LAMA4: variants seen among roughly 807,000 people sequenced by gnomAD.
LAMA4 encodes laminin subunit alpha 4, also known as laminin subunit alpha-4.
LAMA4 carries 127 observed loss-of-function variants against 207.1 expected under a neutral mutation model. That is an observed-to-expected ratio of 0.61 (90% CI 0.53 to 0.71). The LOEUF is 0.71. Ranked by LOEUF, LAMA4 falls within the 30% of genes least tolerant of loss-of-function variation. The pLI, the probability that LAMA4 is intolerant of heterozygous loss-of-function variation, is 0.00. For synonymous variants in LAMA4, 761 were observed against 816.0 expected (o/e 0.93, Z 1.15); for missense variants, 2,093 against 2,246.5 (o/e 0.93, Z 1.38).
At chr6:112,192,811 G>A (rs1783194983) in intron 5 of LAMA4, among the ~76,000 whole-genome samples, 1 of 152,262 alleles carries the variant, frequency 6.6e-6, no homozygotes, top group Non-Finnish European at 1.5e-5. Context: ...CCTGCTGTGA[G>A]TGGTGGGCCT....
intron 14 of LAMA4, 85 bp downstream of exon 14, chr6:112,158,647 C>A: frequency 7.7e-7 from 1 of 1,303,448 alleles, no homozygotes; most frequent in Non-Finnish European, 1.1e-6. Flanking sequence ...AAAATTGTAT[C>A]CCAGTAGTTC....
intron 13 of LAMA4, among the ~76,000 whole-genome samples, chr6:112,161,144 ACTC>A (rs1172175537): frequency 6.6e-6 from 1 of 151,868 alleles, no homozygotes; most frequent in Non-Finnish European, 1.5e-5. Flanking sequence ...GGAAAGCTCT[ACTC>A]CTCCTTTCAA....
In LAMA4 at chr6:112,134,592, G is replaced by A. The variant is rs1779224426; in HGVS notation, c.3432C>T (p.His1144=). The stretch of plus-strand genomic sequence containing the variant: ...CTACCAAGATCATTTTCTTATCATT[G>A]TGGTAAATGATTGAGATCTGGGAGA... ...AKYHEISIIY[H]NDKKMILVVD... Residue 1144 remains histidine (H), a synonymous_variant, in exon 26 of 39, where the codon CAC becomes CAT. Transcript: ENST00000230538. 1.2e-6 allele frequency: 2 copies of A among 1,607,980 alleles called. No homozygotes were observed. Among genetic ancestry groups the A allele is most frequent in the African/African-American group, 2.7e-5 (2 of 74,746 alleles).
Position 112,143,126 on chromosome 6 carries a change from T to G in LAMA4, c.2494-834A>C, listed in dbSNP as rs569524174. ...TTACAAGTGTATGGATTGTGTATAC[T>G]TATGTCATTTATCTGAATCTTTCCA... On this transcript the variant is annotated intron_variant, in intron 19 of 38. Coordinates refer to ENST00000230538, the MANE Select transcript of LAMA4 (RefSeq NM_001105206.3). 1.4e-3 allele frequency among the ~76,000 whole-genome samples: 219 copies of G among 152,276 alleles called. 2 individuals are homozygous for G. The highest frequency in any genetic ancestry group is 2.6e-3 in the Non-Finnish European group (179 of 68,020).
chr6:112,172,484 C>G, intron 12 of LAMA4, 127 bp downstream of exon 12: 1 of 860,072 alleles, frequency 1.2e-6, no homozygotes, highest in Non-Finnish European at 1.8e-6. Context: ...AAAAAACACA[C>G]CAATATTTTA....
At chr6:112,220,254 C>T (rs930161416) in intron 2 of LAMA4, among the ~76,000 whole-genome samples, 1 of 152,128 alleles carries the variant, frequency 6.6e-6, no homozygotes. Flanking sequence ...TATTAAGAGA[C>T]TCCTATTATC....
chr6:112,206,940 GA>G (rs1313165253), intron 4 of LAMA4, 80 bp downstream of exon 4: 1 of 1,534,244 alleles, frequency 6.5e-7, no homozygotes, highest in Non-Finnish European at 8.9e-7. Context: ...AGAACTCTGG[GA>G]TAAGGCAAAA....
At chr6:112,204,821 A>G (rs6916501) in intron 4 of LAMA4, among the ~76,000 whole-genome samples, 8,348 of 152,250 alleles carry the variant, frequency 0.055, 717 homozygotes, top group African/African-American at 0.19. Context: ...CATGTTATTA[A>G]TACTATCATA....
intron 38 of LAMA4, 76 bp downstream of exon 38, chr6:112,114,000 G>T: frequency 6.5e-7 from 1 of 1,544,550 alleles, no homozygotes; most frequent in Non-Finnish European, 9.0e-7. Context: ...AAAAACACAT[G>T]GCTCAATTCT....
At chr6:112,207,246 C>T in intron 3 of LAMA4, 101 bp from the exon 4 acceptor site, 8 of 1,261,138 alleles carry the variant, frequency 6.3e-6, no homozygotes, top group Non-Finnish European at 9.1e-6. Flanking sequence ...AAAGGGACAT[C>T]AGATCAGACA....
At chr6:112,241,226 T>C (rs1432448643) in intron 2 of LAMA4, among the ~76,000 whole-genome samples, 1 of 126,648 alleles carries the variant, frequency 7.9e-6, no homozygotes, top group African/African-American at 2.7e-5. Flanking sequence ...ATATATATGA[T>C]ATATATATGA....
intron 31 of LAMA4, among the ~76,000 whole-genome samples, chr6:112,125,320 T>G (rs1324539563): frequency 3.3e-5 from 5 of 152,184 alleles, no homozygotes; most frequent in Non-Finnish European, 7.3e-5. Flanking sequence ...CTCTCTAGGT[T>G]TTAAGTTTCC....
In LAMA4 at chr6:112,190,529, C is replaced by A. The variant is rs1162798918; in HGVS notation, c.718+1107G>T. Among the ~76,000 whole-genome samples, 3 of 152,150 alleles carry A rather than the reference C, an allele frequency of 2.0e-5. No homozygotes were observed. In the East Asian group the frequency reaches 5.8e-4, roughly 29 times the overall value. On this transcript the variant is annotated intron_variant, in intron 6 of 38. Coordinates refer to ENST00000230538, the MANE Select transcript of LAMA4 (RefSeq NM_001105206.3). ...CAATATTTCCTGCTCTCCCACTCTC[C>A]CCTCAAAGTCACATAAGAGTAAGAC...
At chr6:112,185,428 A>G in intron 8 of LAMA4, 81 bp from the exon 9 acceptor site, 1 of 844,832 alleles carries the variant, frequency 1.2e-6, no homozygotes, top group East Asian at 2.4e-5. Context: ...TCAGTGTAAG[A>G]GGACTCAGAG....
chr6:112,164,927 A>G (rs1554339457), intron 13 of LAMA4, among the ~76,000 whole-genome samples: 1 of 152,236 alleles, frequency 6.6e-6, no homozygotes, highest in East Asian at 1.9e-4. Context: ...AAAGTGGCTA[A>G]TGTGACTGAA....
chr6:112,140,624 G>C (rs1451683472), intron 22 of LAMA4, 136 bp downstream of exon 22: 2 of 771,436 alleles, frequency 2.6e-6, no homozygotes, highest in African/African-American at 1.7e-5. Flanking sequence ...TATAGATTCT[G>C]GTTCAGAATT....
At chr6:112,178,618 T>G (rs1475954722) in intron 9 of LAMA4, 1 of 260,498 alleles carries the variant, frequency 3.8e-6, no homozygotes, top group African/African-American at 2.3e-5. Flanking sequence ...TGTATCATTC[T>G]TATGCCTCTG....
chr6:112,179,012 A>G (rs1782189655), intron 9 of LAMA4: 1 of 152,246 alleles, frequency 6.6e-6, no homozygotes, highest in African/African-American at 2.4e-5. Flanking sequence ...CAGAGATTTC[A>G]AGGATTATTC....
chr6:112,208,570 G>A (rs1162695854), intron 3 of LAMA4, among the ~76,000 whole-genome samples: 3 of 152,140 alleles, frequency 2.0e-5, no homozygotes, highest in Admixed American at 2.0e-4. Context: ...AGGAAATCTG[G>A]CTCCAGAAGT....
Sources: gnomAD v4.1 joint callset for allele counts (sites outside exome capture counted in the v4.1 genomes callset) on GRCh38, gnomAD v4.1.1 for gene constraint, MANE v1.5 for transcripts, NCBI Gene and HGNC (gene_info 2026-07-23, HGNC 2026-07-21) for gene names.